CA10: variants seen among roughly 807,000 people sequenced by gnomAD.
The protein encoded by CA10 is carbonic anhydrase-related protein 10.
In CA10, 14 loss-of-function variants were observed where a neutral mutation model predicts 44.2. The observed-to-expected ratio is 0.32, with a 90% CI of 0.21 to 0.50. CA10 has a LOEUF of 0.50. Among genes scored for constraint, CA10 ranks in the 20% least tolerant of loss-of-function variants. The pLI is 0.99. For synonymous variants in CA10, 159 were observed against 141.6 expected (o/e 1.12, Z -0.87); for missense variants, 350 against 409.7 (o/e 0.85, Z 1.26).
At chr17:51,636,775 TTGTGTG>T (rs57428535) in intron 6 of CA10, among the ~76,000 whole-genome samples, 4,098 of 146,584 alleles carry the variant, frequency 0.028, 106 homozygotes, top group Admixed American at 0.089. Flanking sequence ...ACTGATTATT[TTGTGTG>T]TGTGTGTGTG....
At chr17:51,805,806 T>C (rs1907108991) in intron 3 of CA10, among the ~76,000 whole-genome samples, 1 of 152,212 alleles carries the variant, frequency 6.6e-6, no homozygotes. Context: ...ATCTTCTTTC[T>C]ATAGATTTGC....
chr17:52,079,342 C>T (rs548221273), intron 1 of CA10, among the ~76,000 whole-genome samples: 2 of 151,796 alleles, frequency 1.3e-5, no homozygotes, highest in South Asian at 2.1e-4. Flanking sequence ...TCCTGTAATC[C>T]CAGCTACTTG....
chr17:51,977,313 A>G (rs537071337), intron 2 of CA10, among the ~76,000 whole-genome samples: 31 of 152,124 alleles, frequency 2.0e-4, no homozygotes, highest in African/African-American at 7.0e-4. Flanking sequence ...ACAAAACCCA[A>G]TAACACATTT....
chr17:51,817,638 C>T (rs574051037), intron 3 of CA10, among the ~76,000 whole-genome samples: 1 of 152,114 alleles, frequency 6.6e-6, no homozygotes, highest in East Asian at 1.9e-4. Context: ...TTAACTGTAT[C>T]GATGCATACA....
chr17:52,157,889 G>T lies in CA10; in HGVS notation c.-103C>A. ...TACACACTCGCACACACTTCCGAGC[G>T]AGTGCACACTCGCACTCCCACCCGA... On this transcript the variant is annotated 5_prime_UTR_variant, in exon 1 of 9. Coordinates refer to ENST00000451037, the MANE Select transcript of CA10 (RefSeq NM_020178.5). 1 of 915,432 alleles carries T rather than the reference G, an allele frequency of 1.1e-6. No homozygotes were observed. The highest frequency in any genetic ancestry group is 1.8e-6 in the Non-Finnish European group (1 of 548,976). The allele number at this position is 915,432 out of a possible 1,614,324, so 56.7% of individuals were successfully genotyped here.
intron 4 of CA10, among the ~76,000 whole-genome samples, chr17:51,717,829 GTATA>G (rs55932655): frequency 0.023 from 180 of 7,910 alleles, 25 homozygotes; most frequent in African/African-American, 0.041. Flanking sequence ...ATATGTGTGT[GTATA>G]TATATATATA....
At chr17:51,930,256 C>A (rs1245467046) in intron 3 of CA10, among the ~76,000 whole-genome samples, 1 of 152,076 alleles carries the variant, frequency 6.6e-6, no homozygotes, top group East Asian at 1.9e-4. Flanking sequence ...CCTTTGAACA[C>A]AATTTTCTGC....
chr17:52,142,506 G>A (rs1052821366), intron 1 of CA10, among the ~76,000 whole-genome samples: 1 of 151,976 alleles, frequency 6.6e-6, no homozygotes, highest in Non-Finnish European at 1.5e-5. Context: ...CACTGATGGG[G>A]TTATTTTTTT....
At chr17:51,949,238 A>G (rs1325563282) in intron 2 of CA10, among the ~76,000 whole-genome samples, 2 of 152,184 alleles carry the variant, frequency 1.3e-5, no homozygotes, top group East Asian at 1.9e-4. Context: ...CAAAACATTT[A>G]TATAATATGT....
intron 3 of CA10, among the ~76,000 whole-genome samples, chr17:51,759,867 A>G (rs1905172923): frequency 1.3e-5 from 2 of 152,186 alleles, no homozygotes; most frequent in Admixed American, 6.5e-5. Flanking sequence ...TTATAAAGAT[A>G]TAGCACTAAA....
intron 2 of CA10, among the ~76,000 whole-genome samples, chr17:52,002,602 C>A (rs982564668): frequency 6.6e-6 from 1 of 151,940 alleles, no homozygotes; most frequent in African/African-American, 2.4e-5. Flanking sequence ...TATATCTACA[C>A]TTATTTATGG....
intron 1 of CA10, among the ~76,000 whole-genome samples, chr17:52,091,829 A>G (rs1276516932): frequency 6.6e-6 from 1 of 152,180 alleles, no homozygotes. Flanking sequence ...GGGTTTCCTA[A>G]GAGGACTTCC....
At chr17:51,866,376 C>T (rs1979547108) in intron 3 of CA10, among the ~76,000 whole-genome samples, 1 of 152,218 alleles carries the variant, frequency 6.6e-6, no homozygotes, top group Non-Finnish European at 1.5e-5. Flanking sequence ...CCCCCTAAAC[C>T]TCCTTGCCAC....
Position 51,965,508 on chromosome 17 carries a change from C to T in CA10, c.137-34376G>A, listed in dbSNP as rs990375518. ...AGCAGCACATCAAAAAGTTAATTCA[C>T]CATGATCAAGTAGGCTTCATTTCTG... On this transcript the variant is annotated intron_variant, in intron 2 of 8. Coordinates refer to ENST00000451037, the MANE Select transcript of CA10 (RefSeq NM_020178.5). Among the ~76,000 whole-genome samples, 5 of 152,082 alleles carry T rather than the reference C, an allele frequency of 3.3e-5. No homozygotes were observed. In the East Asian group the frequency reaches 9.7e-4, roughly 29 times the overall value.
At chr17:51,849,087 G>GTGTGTATTTATGTATATATA (rs1978624224) in intron 3 of CA10, among the ~76,000 whole-genome samples, 1 of 147,000 alleles carries the variant, frequency 6.8e-6, no homozygotes, top group African/African-American at 2.5e-5. Context: ...ATGTATATAT[G>GTGTGTATTTATGTATATATA]TGTATATTTA....
At chr17:51,822,132 C>G (rs1047350391) in intron 3 of CA10, among the ~76,000 whole-genome samples, 1 of 152,090 alleles carries the variant, frequency 6.6e-6, no homozygotes, top group East Asian at 1.9e-4. Flanking sequence ...ATATTAAAAA[C>G]CCCATCCTTG....
intron 3 of CA10, among the ~76,000 whole-genome samples, chr17:51,795,491 C>CT (rs1301482110): frequency 5.3e-5 from 8 of 152,116 alleles, no homozygotes; most frequent in Admixed American, 1.3e-4. Context: ...TTTGGAAGGG[C>CT]TTTTGGCCAG....
intron 3 of CA10, among the ~76,000 whole-genome samples, chr17:51,903,241 C>G (rs928501300): frequency 1.3e-5 from 2 of 152,120 alleles, no homozygotes; most frequent in Non-Finnish European, 2.9e-5. Flanking sequence ...CAGCCCTCTA[C>G]TAGAACATGA....
chr17:51,732,529 ACTGT>A (rs750859988), intron 4 of CA10, among the ~76,000 whole-genome samples: 2 of 152,164 alleles, frequency 1.3e-5, no homozygotes, highest in African/African-American at 4.8e-5. Context: ...TCTGAATAGA[ACTGT>A]CTATCTTCCC....
Sources: gnomAD v4.1 joint callset for allele counts (sites outside exome capture counted in the v4.1 genomes callset) on GRCh38, gnomAD v4.1.1 for gene constraint, MANE v1.5 for transcripts, NCBI Gene and HGNC (gene_info 2026-07-23, HGNC 2026-07-21) for gene names.